CPZ: variants seen among roughly 807,000 people sequenced by gnomAD.
CPZ encodes VEZT/CPZ fusion.
Under a neutral mutation model 61.8 loss-of-function variants are expected in CPZ, and 103 were observed. That is an observed-to-expected ratio of 1.67 (90% CI 1.42 to 1.96). The LOEUF is 1.96. Among genes scored for constraint, CPZ ranks in the 30% most tolerant of loss-of-function variants. The pLI, the probability that CPZ is intolerant of heterozygous loss-of-function variation, is 0.00. For synonymous variants in CPZ, 551 were observed against 373.7 expected, an observed-to-expected ratio of 1.47 and a Z score of -5.47; for missense variants, 1,461 against 914.9, an observed-to-expected ratio of 1.60 and a Z score of -7.70.
At chr4:8,618,290 G>A in intron 9 of CPZ, 139 bp from the exon 10 acceptor site, 2 of 700,236 alleles carry the variant, frequency 2.9e-6, no homozygotes, top group Non-Finnish European at 4.9e-6. Flanking sequence ...GGCAGAGCGA[G>A]GGCTGGCAGA....
chr4:8,616,345 T>G (rs546257104), intron 9 of CPZ, among the ~76,000 whole-genome samples: 4 of 152,080 alleles, frequency 2.6e-5, no homozygotes, highest in Non-Finnish European at 5.9e-5. Flanking sequence ...CTGTGTTTCA[T>G]GAAGGTGACC....
chr4:8,593,131 G>A (rs1476738485), intron 1 of CPZ, among the ~76,000 whole-genome samples: 1 of 152,148 alleles, frequency 6.6e-6, no homozygotes, highest in East Asian at 1.9e-4. Context: ...GGCTCTCTAC[G>A]GCATCCAGGC....
At chr4:8,615,428 C>T (rs889409569) in intron 9 of CPZ, among the ~76,000 whole-genome samples, 4 of 152,172 alleles carry the variant, frequency 2.6e-5, no homozygotes, top group Non-Finnish European at 4.4e-5. Flanking sequence ...TTTTCCCAAG[C>T]GTTTTCAAGA....
chr4:8,603,922 T>G, intron 3 of CPZ, 54 bp from the exon 4 acceptor site: 2 of 1,504,300 alleles, frequency 1.3e-6, no homozygotes, highest in African/African-American at 1.4e-5. Context: ...TCCCAGGCAG[T>G]GGTAGGAAGC....
chr4:8,606,307 G>C (rs140691481), intron 5 of CPZ, 122 bp downstream of exon 5: 5 of 1,002,916 alleles, frequency 5.0e-6, no homozygotes, highest in Non-Finnish European at 7.2e-6. Context: ...GGAGCATTCA[G>C]CAGGTGTCGA....
intron 1 of CPZ, among the ~76,000 whole-genome samples, chr4:8,593,171 G>A: frequency 6.6e-6 from 1 of 152,180 alleles, no homozygotes. Flanking sequence ...GGGTCACCAC[G>A]CCTGGGCCGG....
chr4:8,612,290 G>A, intron 8 of CPZ, 128 bp downstream of exon 8: 1 of 779,944 alleles, frequency 1.3e-6, no homozygotes, highest in South Asian at 2.0e-5. Flanking sequence ...ACAGGGCGAT[G>A]CCTCACCTGG....
intron 3 of CPZ, chr4:8,603,620 A>T (rs1298792443): frequency 1.4e-5 from 4 of 283,864 alleles, no homozygotes; most frequent in Non-Finnish European, 2.6e-5. Flanking sequence ...CGCCCAGGAA[A>T]ATCCCCTCTG....
intron 9 of CPZ, among the ~76,000 whole-genome samples, chr4:8,616,704 G>A (rs1716198859): frequency 1.3e-5 from 2 of 152,316 alleles, no homozygotes; most frequent in African/African-American, 4.8e-5. Context: ...GGTGGCTGAG[G>A]GGCATGGTGG....
At chr4:8,617,527 A>G (rs1716280361) in intron 9 of CPZ, among the ~76,000 whole-genome samples, 1 of 152,238 alleles carries the variant, frequency 6.6e-6, no homozygotes, top group Non-Finnish European at 1.5e-5. Flanking sequence ...ATAGGAAAAC[A>G]GTCTCTCCAA....
At chr4:8,619,096 G>A (rs1390956069) in intron 10 of CPZ, among the ~76,000 whole-genome samples, 166 bp from the exon 11 acceptor site, 3 of 152,104 alleles carry the variant, frequency 2.0e-5, no homozygotes, top group African/African-American at 4.8e-5. Context: ...ATAAGAGTTT[G>A]ACAGAGAAAA....
intron 5 of CPZ, 151 bp from the exon 6 acceptor site, chr4:8,606,586 C>A (rs1577116122): frequency 2.0e-6 from 2 of 997,218 alleles, no homozygotes; most frequent in East Asian, 4.8e-5. Flanking sequence ...GAGAGGAGGC[C>A]AAGGGTCAGG....
Position 8,606,162 on chromosome 4 carries a change from G to C in CPZ, c.883G>C (p.Gly295Arg), listed in dbSNP as rs778557300. Residue 295 changes from glycine to arginine, a missense_variant, in exon 5 of 11, where the codon GGC becomes CGC. Transcript: ENST00000360986. The part of the protein sequence containing the change: ...IHLLPSMNPD[G>R]YEVAAAEGAG... ...CCTGCTGCCCTCCATGAACCCTGAC[G>C]GCTATGAGGTGGCAGCTGCCGAGGT... The C allele has an allele frequency of 4.5e-5, 73 of 1,613,886 alleles. 1 individual carries two copies. The highest frequency in any genetic ancestry group is 6.1e-5 in the Non-Finnish European group (72 of 1,179,980).
chr4:8,618,643 C>T, intron 10 of CPZ, 115 bp downstream of exon 10: 2 of 956,954 alleles, frequency 2.1e-6, no homozygotes, highest in Non-Finnish European at 3.2e-6. Context: ...AGGATGGCTC[C>T]ATTCCTCCCC....
chr4:8,610,108 T>TC (rs1715526123), intron 7 of CPZ, among the ~76,000 whole-genome samples: 1 of 152,210 alleles, frequency 6.6e-6, no homozygotes, highest in Non-Finnish European at 1.5e-5. Context: ...ATAGCCAGTT[T>TC]CCCAAGGGCT....
chr4:8,603,784 C>T (rs1714746332), intron 3 of CPZ, 192 bp from the exon 4 acceptor site: 2 of 613,316 alleles, frequency 3.3e-6, no homozygotes, highest in South Asian at 1.9e-5. Context: ...GTGCTGTGTA[C>T]ATACCTCAGG....
intron 5 of CPZ, among the ~76,000 whole-genome samples, chr4:8,606,426 G>A (rs1715010455): frequency 6.6e-6 from 1 of 152,246 alleles, no homozygotes; most frequent in East Asian, 1.9e-4. Flanking sequence ...AAAGGGAGTC[G>A]ATGGTGCCCG....
At chr4:8,603,064 A>G (rs1159946039) in intron 3 of CPZ, 4 of 152,288 alleles carry the variant, frequency 2.6e-5, no homozygotes, top group Non-Finnish European at 5.9e-5. Flanking sequence ...TATTTTGGGC[A>G]TCTCTACCAC....
chr4:8,613,129 GTTCC>G (rs1441999933), intron 8 of CPZ, among the ~76,000 whole-genome samples: 1 of 139,676 alleles, frequency 7.2e-6, no homozygotes, highest in East Asian at 2.2e-4. Context: ...GCCCCTCTCT[GTTCC>G]TTTTTTTTTT....
Sources: gnomAD v4.1 joint callset for allele counts (sites outside exome capture counted in the v4.1 genomes callset) on GRCh38, gnomAD v4.1.1 for gene constraint, MANE v1.5 for transcripts, NCBI Gene and HGNC (gene_info 2026-07-23, HGNC 2026-07-21) for gene names.